Variants in NOVA1 observed in about 807,000 individuals in gnomAD.
NOVA1 encodes RNA-binding protein Nova-1.
NOVA1 carries 7 observed loss-of-function variants against 38.0 expected under a neutral mutation model. The observed-to-expected ratio is 0.18, with a 90% CI of 0.10 to 0.35. The LOEUF is 0.35. NOVA1 is among the 10% of genes least tolerant of loss of function. The pLI, the probability that NOVA1 is intolerant of heterozygous loss-of-function variation, is 1.00. For missense variants in NOVA1, 460 were observed against 616.0 expected, an observed-to-expected ratio of 0.75 and a Z score of 2.68; for synonymous variants, 270 against 232.5, an observed-to-expected ratio of 1.16 and a Z score of -1.47.
chr14:26,502,773 C>G (rs987502843), intron 2 of NOVA1, among the ~76,000 whole-genome samples: 1 of 151,768 alleles, frequency 6.6e-6, no homozygotes, highest in Non-Finnish European at 1.5e-5. Context: ...TAAGTAAACT[C>G]AAAAAATAAA....
chr14:26,509,174 T>A (rs1399704663), intron 2 of NOVA1, among the ~76,000 whole-genome samples: 2 of 152,134 alleles, frequency 1.3e-5, no homozygotes, highest in African/African-American at 4.8e-5. Context: ...TATTTGTAGA[T>A]GTATTTTTTA....
chr14:26,521,817 AG>A (rs1566500625), intron 2 of NOVA1, among the ~76,000 whole-genome samples: 1 of 152,080 alleles, frequency 6.6e-6, no homozygotes, highest in Non-Finnish European at 1.5e-5. Flanking sequence ...ATTATGTAGG[AG>A]TTTATACAAG....
At chr14:26,527,892 T>A (rs531523253) in intron 2 of NOVA1, among the ~76,000 whole-genome samples, 179 of 152,260 alleles carry the variant, frequency 1.2e-3, no homozygotes, top group African/African-American at 4.0e-3. Context: ...TCCCATATCA[T>A]CTTCAGGCAA....
chr14:26,472,115 G>A (rs1221691252), intron 4 of NOVA1: 7 of 494,452 alleles, frequency 1.4e-5, no homozygotes, highest in Non-Finnish European at 2.5e-5. Context: ...TTTAATATCT[G>A]AATATAGTAT....
At chr14:26,522,776 A>G (rs1220781335) in intron 2 of NOVA1, among the ~76,000 whole-genome samples, 1 of 152,196 alleles carries the variant, frequency 6.6e-6, no homozygotes, top group Non-Finnish European at 1.5e-5. Context: ...TACTGGTTCA[A>G]TAACATGATA....
rs1594308776 is a variant in NOVA1, at chr14:26,448,391, G to A, written c.1092C>T (p.Thr364=). The change falls in exon 5 of 5, where the codon ACC becomes ACT. Residue 364 remains threonine (T), a synonymous_variant. Coordinates refer to ENST00000539517, the MANE Select transcript of NOVA1 (RefSeq NM_002515.3). This position sits in a 1 kb window ranked among gnomAD's most constrained non-coding sequence, Gnocchi z 5.3. ...PAAAAANLLA[T]YASEASASGS... ...CACTGGCTGAGGCTTCACTGGCATA[G>A]GTGGCCAATAAATTGGCTGCTGCTG... 1 of 1,613,372 alleles carries A rather than the reference G, an allele frequency of 6.2e-7. No homozygotes were observed.
chr14:26,548,716 A>C (rs1267019769), intron 2 of NOVA1, among the ~76,000 whole-genome samples: 2 of 152,168 alleles, frequency 1.3e-5, no homozygotes, highest in African/African-American at 4.8e-5. Flanking sequence ...AAATCTCATT[A>C]AATAATTAAA....
intron 2 of NOVA1, among the ~76,000 whole-genome samples, chr14:26,487,624 A>T (rs562732967): frequency 1.3e-5 from 2 of 152,294 alleles, no homozygotes; most frequent in Admixed American, 6.5e-5. Context: ...TCATTATACC[A>T]CATACCTCCT....
intron 2 of NOVA1, among the ~76,000 whole-genome samples, chr14:26,580,962 G>T (rs757992934): frequency 6.6e-6 from 1 of 151,932 alleles, no homozygotes; most frequent in African/African-American, 2.4e-5. Flanking sequence ...AAAAATGATA[G>T]GGTCATAATA....
chr14:26,509,357 T>G (rs1179037095), intron 2 of NOVA1, among the ~76,000 whole-genome samples: 1 of 152,124 alleles, frequency 6.6e-6, no homozygotes, highest in Non-Finnish European at 1.5e-5. Context: ...TAAGTAAGAC[T>G]CATTGAAAAT....
intron 4 of NOVA1, among the ~76,000 whole-genome samples, chr14:26,463,205 A>AAAC (rs1883836698): frequency 1.3e-5 from 2 of 152,076 alleles, no homozygotes; most frequent in Non-Finnish European, 1.5e-5. Context: ...ACGTTCTTTT[A>AAAC]TTTGTTTCTA....
intron 2 of NOVA1, among the ~76,000 whole-genome samples, chr14:26,579,022 T>G (rs1167193227): frequency 1.3e-5 from 2 of 151,314 alleles, no homozygotes; most frequent in African/African-American, 4.8e-5. Flanking sequence ...CTCAGTTTCT[T>G]TATTTTTTTT....
chr14:26,546,801 C>T (rs957009244), intron 2 of NOVA1, among the ~76,000 whole-genome samples: 7 of 152,092 alleles, frequency 4.6e-5, no homozygotes, highest in East Asian at 3.9e-4. Flanking sequence ...GGGAGGATCA[C>T]GAGGTCAGGA....
chr14:26,565,106 A>G (rs897188728), intron 2 of NOVA1, among the ~76,000 whole-genome samples: 1 of 152,174 alleles, frequency 6.6e-6, no homozygotes, highest in Non-Finnish European at 1.5e-5. Context: ...TTTGAAAAAG[A>G]CCATGCTGAG....
intron 2 of NOVA1, among the ~76,000 whole-genome samples, chr14:26,521,450 T>C (rs1438423643): frequency 6.6e-6 from 1 of 152,146 alleles, no homozygotes; most frequent in Non-Finnish European, 1.5e-5. Context: ...ATTACAATAT[T>C]GTTTGCCTTT....
chr14:26,512,114 G>T (rs1408526996), intron 2 of NOVA1, among the ~76,000 whole-genome samples: 3 of 152,024 alleles, frequency 2.0e-5, no homozygotes, highest in East Asian at 1.9e-4. Context: ...CCTTTAAAAA[G>T]AATACATTAA....
intron 2 of NOVA1, chr14:26,593,910 T>C (rs1894014967): frequency 6.6e-6 from 1 of 151,912 alleles, no homozygotes; most frequent in South Asian, 2.1e-4. Context: ...TTCATTTTCA[T>C]CTATTGACAG....
At chr14:26,479,620 A>G (rs2138290950) in intron 3 of NOVA1, 1 of 239,066 alleles carries the variant, frequency 4.2e-6, no homozygotes, top group South Asian at 1.7e-4. Flanking sequence ...GGGTATTGGA[A>G]ATTTTGAATG....
chr14:26,574,445 A>G (rs1413427176), intron 2 of NOVA1, among the ~76,000 whole-genome samples: 2 of 152,094 alleles, frequency 1.3e-5, no homozygotes, highest in Non-Finnish European at 2.9e-5. Context: ...GCTACCTTGG[A>G]AATGTCATTC....
Sources: allele counts gnomAD v4.1 joint callset (sites outside exome capture counted in the v4.1 genomes callset), GRCh38; gene constraint gnomAD v4.1.1; non-coding constraint Gnocchi (gnomAD v3.1); transcripts MANE v1.5; gene names NCBI Gene and HGNC (gene_info 2026-07-23, HGNC 2026-07-21).